Variants in KCNQ5 observed in about 807,000 individuals in gnomAD.
The protein encoded by KCNQ5 is potassium voltage-gated channel subfamily Q member 5, also known as potassium voltage-gated channel subfamily KQT member 5.
In KCNQ5, 30 loss-of-function variants were observed where a neutral mutation model predicts 98.2. The ratio of observed to expected loss-of-function variants is 0.31; its 90% confidence interval spans 0.23 to 0.41. The LOEUF (loss-of-function observed/expected upper bound fraction) is 0.41, where lower values mean the gene tolerates loss of function less well. Among genes scored for constraint, KCNQ5 ranks in the 10% least tolerant of loss-of-function variants. The pLI, the probability that KCNQ5 is intolerant of heterozygous loss-of-function variation, is 1.00. For missense variants in KCNQ5, 835 were observed against 1,182.5 expected (o/e 0.71, Z 4.31); for synonymous variants, 458 against 449.4 (o/e 1.02, Z -0.24).
At chr6:72,906,419 T>C (rs1779702468) in intron 1 of KCNQ5, among the ~76,000 whole-genome samples, 1 of 152,198 alleles carries the variant, frequency 6.6e-6, no homozygotes, top group Non-Finnish European at 1.5e-5. Flanking sequence ...ATCAGGAGGC[T>C]TCTTGACCAG....
At chr6:72,888,502 C>A (rs2150180209) in intron 1 of KCNQ5, among the ~76,000 whole-genome samples, 1 of 152,234 alleles carries the variant, frequency 6.6e-6, no homozygotes, top group East Asian at 1.9e-4. Flanking sequence ...GGACAAGAGT[C>A]ATAGTCAAAT....
At chr6:73,103,427 T>C (rs1378793047) in intron 5 of KCNQ5, among the ~76,000 whole-genome samples, 8 of 151,820 alleles carry the variant, frequency 5.3e-5, no homozygotes, top group Admixed American at 5.2e-4. Flanking sequence ...TAGGTGGGAA[T>C]TGAACAATGA....
At chr6:72,756,297 T>A (rs900389414) in intron 1 of KCNQ5, among the ~76,000 whole-genome samples, 4 of 152,174 alleles carry the variant, frequency 2.6e-5, no homozygotes, top group African/African-American at 9.7e-5. Flanking sequence ...ATTTTGTACA[T>A]CTTCTGGCTT....
intron 8 of KCNQ5, among the ~76,000 whole-genome samples, chr6:73,121,796 A>G (rs181314067): frequency 4.7e-4 from 71 of 152,298 alleles, no homozygotes; most frequent in African/African-American, 1.5e-3. Flanking sequence ...TAACTACATT[A>G]CTTCCCTGTT....
intron 1 of KCNQ5, among the ~76,000 whole-genome samples, chr6:72,877,427 G>C (rs1778454779): frequency 6.6e-6 from 1 of 152,142 alleles, no homozygotes; most frequent in African/African-American, 2.4e-5. Flanking sequence ...GTATCTCATG[G>C]TGTATATGTA....
intron 1 of KCNQ5, among the ~76,000 whole-genome samples, chr6:72,739,545 C>A (rs998770470): frequency 5.3e-5 from 8 of 152,298 alleles, no homozygotes; most frequent in Admixed American, 5.2e-4. Flanking sequence ...AAACTCTGAG[C>A]CTTTGCCGCC....
intron 1 of KCNQ5, among the ~76,000 whole-genome samples, chr6:72,972,482 T>C (rs1197912750): frequency 6.6e-6 from 1 of 151,406 alleles, no homozygotes; most frequent in African/African-American, 2.4e-5. Flanking sequence ...ATCCCCTAAG[T>C]TTTCTCCCCT....
intron 1 of KCNQ5, among the ~76,000 whole-genome samples, chr6:72,723,220 A>G (rs1770067705): frequency 6.6e-6 from 1 of 152,186 alleles, no homozygotes. Flanking sequence ...AAAGAAAAGA[A>G]CATGATTTAT....
At chr6:72,824,433 A>G (rs1482800788) in intron 1 of KCNQ5, among the ~76,000 whole-genome samples, 1 of 152,136 alleles carries the variant, frequency 6.6e-6, no homozygotes, top group African/African-American at 2.4e-5. Flanking sequence ...TTCTTTTAAG[A>G]ACTGATGCTC....
intron 1 of KCNQ5, among the ~76,000 whole-genome samples, chr6:72,883,976 T>C (rs548941822): frequency 4.6e-5 from 7 of 152,326 alleles, no homozygotes; most frequent in African/African-American, 1.7e-4. Context: ...ATAGTGATCA[T>C]TATGGTTATT....
chr6:73,075,225 C>CT (rs60204032), intron 3 of KCNQ5, among the ~76,000 whole-genome samples: 8,588 of 131,516 alleles, frequency 0.065, 281 homozygotes, highest in East Asian at 0.12. Flanking sequence ...TATAGTCTCA[C>CT]TTTTTTTTTT....
At position 72,632,402 on chromosome 6, in the gene KCNQ5, A is replaced by G. The variant is rs896484175; in HGVS notation, c.398+9815A>G. On this transcript the variant is annotated intron_variant, in intron 1 of 13. Transcript: ENST00000370398. ...GTGATCCGCCCGCCTCAGCCTCCCA[A>G]AGTGCTGGGATTACAGGCGTGAGCC... Among the ~76,000 whole-genome samples the G allele has an allele frequency of 1.7e-4, 25 of 151,386 alleles. 1 individual carries two copies. Among genetic ancestry groups the G allele is most frequent in the Non-Finnish European group, 4.4e-5 (3 of 67,854 alleles).
intron 1 of KCNQ5, among the ~76,000 whole-genome samples, chr6:72,777,729 T>C (rs1352154821): frequency 6.6e-6 from 1 of 152,146 alleles, no homozygotes; most frequent in Non-Finnish European, 1.5e-5. Context: ...CCAAGATAAT[T>C]TGCTTCCAAG....
In KCNQ5 at chr6:72,622,309, G is replaced by T; in HGVS notation, c.120G>T (p.Glu40Asp). The T allele has an allele frequency of 7.3e-7, 1 of 1,364,534 alleles. No homozygotes were observed. The highest frequency in any genetic ancestry group is 9.4e-7 in the Non-Finnish European group (1 of 1,062,928). 84.5% of individuals were successfully genotyped at this position (1,364,534 alleles called of 1,614,324 possible). ...TGGGCAGCGGCATGAAGGATGTGGA[G>T]TCCGGCCGGGGCAGGGTGCTGCTGA... ...GRLGSGMKDV[E>D]SGRGRVLLNS... The change falls in exon 1 of 14, where the codon GAG becomes GAT. Residue 40 changes from glutamate to aspartate, a missense_variant. By Grantham distance (45) the Glu-to-Asp change is conservative. Coordinates refer to ENST00000370398, the MANE Select transcript of KCNQ5 (RefSeq NM_019842.4). The surrounding 1 kb of genome is among the most constrained non-coding windows in gnomAD (Gnocchi z 6.0).
At position 72,666,131 on chromosome 6, in the gene KCNQ5, C is replaced by T. The variant is rs117385574; in HGVS notation, c.398+43544C>T. The stretch of plus-strand genomic sequence containing the variant: ...GCACTGTATCTGTAAGAGTAGAAGA[C>T]GTCAATCTTAAAAGATTTGAGGAGG... On this transcript the variant is annotated intron_variant, in intron 1 of 13. Coordinates refer to ENST00000370398, the MANE Select transcript of KCNQ5 (RefSeq NM_019842.4). Among the ~76,000 whole-genome samples the T allele has an allele frequency of 6.5e-3, 991 of 152,092 alleles. 5 individuals are homozygous for T. Among genetic ancestry groups the T allele is most frequent in the Middle Eastern group, 0.037 (11 of 294 alleles).
intron 2 of KCNQ5, among the ~76,000 whole-genome samples, chr6:73,041,013 C>A (rs1307948874): frequency 6.6e-6 from 1 of 152,138 alleles, no homozygotes; most frequent in Non-Finnish European, 1.5e-5. Context: ...TGTTGTTCTA[C>A]ATTATAAATC....
In KCNQ5 at chr6:72,786,954, G is replaced by A. The variant is rs368443280; in HGVS notation, c.398+164367G>A. ...CCAGGAGGCGAGCTTGCAGTGAGCC[G>A]AGATTGTGCCACTGTACTCCAGCCT... On this transcript the variant is annotated intron_variant, in intron 1 of 13. Coordinates refer to ENST00000370398, the MANE Select transcript of KCNQ5 (RefSeq NM_019842.4). Among the ~76,000 whole-genome samples, 364 of 140,146 alleles carry A rather than the reference G, an allele frequency of 2.6e-3. 3 individuals are homozygous for A. The highest frequency in any genetic ancestry group is 0.022 in the Middle Eastern group (5 of 230). 91.9% of individuals were successfully genotyped at this position (140,146 alleles called of 152,430 possible).
intron 5 of KCNQ5, among the ~76,000 whole-genome samples, chr6:73,102,049 T>G (rs940490278): frequency 2.0e-5 from 3 of 151,936 alleles, no homozygotes; most frequent in Non-Finnish European, 2.9e-5. Context: ...CATAAAAACA[T>G]ATACTGACCA....
intron 1 of KCNQ5, among the ~76,000 whole-genome samples, chr6:72,630,143 T>C (rs1186870406): frequency 6.6e-6 from 1 of 152,204 alleles, no homozygotes; most frequent in Non-Finnish European, 1.5e-5. Context: ...CTATTTCCCT[T>C]TGTTTTGATC....
Sources: gnomAD v4.1 joint callset for allele counts (sites outside exome capture counted in the v4.1 genomes callset) on GRCh38, gnomAD v4.1.1 for gene constraint, Gnocchi (gnomAD v3.1) non-coding constraint, MANE v1.5 for transcripts, NCBI Gene and HGNC (gene_info 2026-07-23, HGNC 2026-07-21) for gene names.